GRIK3: variants seen among roughly 807,000 people sequenced by gnomAD.
GRIK3 encodes glutamate receptor ionotropic, kainate 3.
GRIK3 carries 29 observed loss-of-function variants against 102.5 expected under a neutral mutation model. The observed-to-expected ratio is 0.28, with a 90% CI of 0.21 to 0.39. The LOEUF is 0.39. GRIK3 is among the 10% of genes least tolerant of loss of function. The pLI is 1.00. For missense variants in GRIK3, 908 were observed against 1,252.4 expected (o/e 0.73, Z 4.15); for synonymous variants, 511 against 504.9 (o/e 1.01, Z -0.16).
chr1:36,860,355 A>T (rs1640707908), intron 5 of GRIK3, among the ~76,000 whole-genome samples: 1 of 152,224 alleles, frequency 6.6e-6, no homozygotes, highest in Admixed American at 6.5e-5. Flanking sequence ...AGGAAGCTTA[A>T]TGAGGCTGCT....
chr1:37,027,598 C>T (rs1055658754), intron 1 of GRIK3, among the ~76,000 whole-genome samples: 5 of 152,316 alleles, frequency 3.3e-5, no homozygotes, highest in South Asian at 2.1e-4. Flanking sequence ...CAAAAAGAAA[C>T]GCTCAAGTGT....
At chr1:36,965,241 T>C (rs2124352366) in intron 1 of GRIK3, among the ~76,000 whole-genome samples, 1 of 152,238 alleles carries the variant, frequency 6.6e-6, no homozygotes, top group East Asian at 1.9e-4. Context: ...CAGAAGATGG[T>C]GATTCGTGAT....
intron 1 of GRIK3, among the ~76,000 whole-genome samples, chr1:36,932,312 C>T (rs1570805885): frequency 6.6e-6 from 1 of 152,086 alleles, no homozygotes; most frequent in Non-Finnish European, 1.5e-5. Context: ...TTGGTTAGTG[C>T]CCAATCGTAG....
intron 5 of GRIK3, among the ~76,000 whole-genome samples, chr1:36,868,614 A>G (rs1248856192): frequency 6.6e-6 from 1 of 152,190 alleles, no homozygotes; most frequent in East Asian, 1.9e-4. Context: ...CATGACATGG[A>G]CTTAGGAGGA....
chr1:36,937,168 T>C (rs992201668), intron 1 of GRIK3, among the ~76,000 whole-genome samples: 5 of 152,136 alleles, frequency 3.3e-5, no homozygotes, highest in African/African-American at 7.2e-5. Context: ...GCAGGAACAA[T>C]GGGCTAACTC....
chr1:36,936,956 G>A (rs890609238), intron 1 of GRIK3, among the ~76,000 whole-genome samples: 5 of 152,140 alleles, frequency 3.3e-5, no homozygotes, highest in African/African-American at 1.2e-4. Flanking sequence ...ACAGGTGCGG[G>A]GGGTAGGATC....
chr1:36,863,542 T>C (rs180859173), intron 5 of GRIK3, among the ~76,000 whole-genome samples: 2 of 152,318 alleles, frequency 1.3e-5, no homozygotes, highest in South Asian at 2.1e-4. Context: ...CTGGCCCCTG[T>C]ACCCTTTGTC....
At chr1:36,931,934 C>T (rs76310647) in intron 1 of GRIK3, among the ~76,000 whole-genome samples, 20 of 152,298 alleles carry the variant, frequency 1.3e-4, no homozygotes, top group Non-Finnish European at 2.4e-4. Flanking sequence ...GCTGGATCTT[C>T]CAGAGGACCC....
At chr1:37,024,264 G>A (rs1296747811) in intron 1 of GRIK3, among the ~76,000 whole-genome samples, 1 of 152,090 alleles carries the variant, frequency 6.6e-6, no homozygotes, top group Non-Finnish European at 1.5e-5. Context: ...ATGCCTTTGT[G>A]TTTCTGCAGA....
At chr1:36,907,944 C>T (rs1034673984) in intron 1 of GRIK3, among the ~76,000 whole-genome samples, 2 of 152,110 alleles carry the variant, frequency 1.3e-5, no homozygotes, top group Admixed American at 6.5e-5. Context: ...AGGGGTCACT[C>T]ACCTGGGCCC....
At chr1:37,000,435 G>A (rs556067723) in intron 1 of GRIK3, among the ~76,000 whole-genome samples, 1 of 152,244 alleles carries the variant, frequency 6.6e-6, no homozygotes, top group South Asian at 2.1e-4. Flanking sequence ...TTTGACAGAG[G>A]GGGAAAATGA....
At chr1:36,865,223 G>C (rs369096414) in intron 5 of GRIK3, among the ~76,000 whole-genome samples, 2 of 152,196 alleles carry the variant, frequency 1.3e-5, no homozygotes, top group Admixed American at 6.5e-5. Flanking sequence ...CATGTACCAG[G>C]GGCTCAGCTG....
At chr1:36,956,680 C>T (rs369785508) in intron 1 of GRIK3, among the ~76,000 whole-genome samples, 10 of 152,140 alleles carry the variant, frequency 6.6e-5, no homozygotes, top group African/African-American at 1.4e-4. Context: ...CAAAAGCCCC[C>T]GAGGTGCACA....
chr1:36,834,273 TC>T (rs888230223), intron 10 of GRIK3, among the ~76,000 whole-genome samples: 2 of 151,748 alleles, frequency 1.3e-5, no homozygotes, highest in African/African-American at 4.8e-5. Flanking sequence ...TTAAAAGAGA[TC>T]CCCCAGCAAG....
rs182761784 is a variant in GRIK3, at chr1:36,950,643, C to T, written c.116-59547G>A. ...ACAGCAGAGGCACAGAGACTGTGGC[C>T]CAATTGGTACCCACATCCTGCTGCA... On this transcript the variant is annotated intron_variant, in intron 1 of 15. Transcript: ENST00000373091. 3.2e-3 allele frequency among the ~76,000 whole-genome samples: 491 copies of T among 152,274 alleles called. 2 individuals carry two copies. The highest frequency in any genetic ancestry group is 5.4e-3 in the Non-Finnish European group (366 of 68,024).
chr1:36,849,058 G>A (rs943611960), intron 9 of GRIK3, among the ~76,000 whole-genome samples: 3 of 152,092 alleles, frequency 2.0e-5, no homozygotes, highest in South Asian at 2.1e-4. Flanking sequence ...TCCTAACCCC[G>A]AGGGCCGATG....
chr1:36,836,819 G>A (rs1004537433), intron 10 of GRIK3, among the ~76,000 whole-genome samples: 1 of 152,174 alleles, frequency 6.6e-6, no homozygotes. Context: ...GGGGCTGGGA[G>A]AGCAGCCAGG....
At chr1:36,879,792 C>T (rs1226941327) in intron 3 of GRIK3, among the ~76,000 whole-genome samples, 2 of 152,166 alleles carry the variant, frequency 1.3e-5, no homozygotes, top group African/African-American at 2.4e-5. Context: ...TCAGGGAGCC[C>T]AGCTTTGGGC....
At chr1:36,862,577 A>T (rs1345308762) in intron 5 of GRIK3, among the ~76,000 whole-genome samples, 1 of 152,200 alleles carries the variant, frequency 6.6e-6, no homozygotes, top group Non-Finnish European at 1.5e-5. Flanking sequence ...CTGGGTTTAG[A>T]TCAGGATGCC....
Sources: gnomAD v4.1 joint callset for allele counts (sites outside exome capture counted in the v4.1 genomes callset) on GRCh38, gnomAD v4.1.1 for gene constraint, MANE v1.5 for transcripts, NCBI Gene and HGNC (gene_info 2026-07-23, HGNC 2026-07-21) for gene names.